The following KCNJ10 variants were observed in gnomAD, a reference collection of about 807,000 sequenced individuals.
The protein encoded by KCNJ10 is potassium inwardly rectifying channel subfamily J member 10.
KCNJ10 carries 9 observed loss-of-function variants against 22.2 expected under a neutral mutation model. The ratio of observed to expected loss-of-function variants is 0.40; its 90% CI spans 0.24 to 0.71. The LOEUF is 0.71. Among genes scored for constraint, KCNJ10 ranks in the 30% least tolerant of loss-of-function variants. KCNJ10 has a pLI of 0.35. For synonymous variants in KCNJ10, 184 were observed against 187.3 expected (o/e 0.98, Z 0.15); for missense variants, 337 against 482.7 (o/e 0.70, Z 2.83).
At position 160,041,272 on chromosome 1, in the gene KCNJ10, A is replaced by C. The variant is rs1052473157; in HGVS notation, c.*121T>G. The C allele has an allele frequency of 9.6e-6, 10 of 1,039,016 alleles. No homozygotes were observed. The highest frequency in any genetic ancestry group is 4.0e-5 in the Admixed American group (2 of 49,806). 64.4% of individuals were successfully genotyped at this position (1,039,016 alleles called of 1,614,324 possible). On this transcript the variant is annotated 3_prime_UTR_variant, in exon 2 of 2. Coordinates refer to ENST00000644903, the MANE Select transcript of KCNJ10 (RefSeq NM_002241.5). The surrounding 1 kb of genome is among the most constrained non-coding windows in gnomAD (Gnocchi z 4.4). ...AGCTACCAACAGGCCACTGGGTTAA[A>C]GAAGAGGGAGTGGAGGATGGGTGCT...
rs186948459 is a variant in KCNJ10, at chr1:160,043,749, C to A, written c.1-1217G>T. ...CTGCACAGGCTCAAATTCAGTATTGCTATTTGTTCTGATAGCAGAAAGTGG... is the reference window on the plus strand; with the variant it reads ...CTGCACAGGCTCAAATTCAGTATTGATATTTGTTCTGATAGCAGAAAGTGG... On this transcript the variant is annotated intron_variant, in intron 1 of 1. Transcript: ENST00000644903. Among the ~76,000 whole-genome samples the A allele has an allele frequency of 1.3e-3, 196 of 152,342 alleles. 1 individual carries two copies. Among genetic ancestry groups the A allele is most frequent in the African/African-American group, 4.3e-3 (180 of 41,586 alleles).
In KCNJ10 at chr1:160,040,990, G is replaced by A. The variant is rs1571264851; in HGVS notation, c.*403C>T. ...TCTTGCCTTTGGGAACTTGCTAGAT[G>A]GAAAGGTAACAGAGGGAGCTCCAGC... On this transcript the variant is annotated 3_prime_UTR_variant, in exon 2 of 2. Transcript: ENST00000644903. 2 of 319,048 alleles carry A rather than the reference G, an allele frequency of 6.3e-6. No homozygotes were observed. Among genetic ancestry groups the A allele is most frequent in the East Asian group, 1.2e-4 (2 of 16,578 alleles). 19.8% of individuals were successfully genotyped at this position (319,048 alleles called of 1,614,324 possible).
rs567956127 is a variant in KCNJ10, at chr1:160,065,226, G to A, written c.-1+4796C>T. Among the ~76,000 whole-genome samples the A allele has an allele frequency of 2.8e-4, 43 of 152,160 alleles. 1 individual carries two copies. In the South Asian group the frequency reaches 8.9e-3, roughly 32 times the overall value. On this transcript the variant is annotated intron_variant, in intron 1 of 1. Coordinates refer to ENST00000644903, the MANE Select transcript of KCNJ10 (RefSeq NM_002241.5). Reference sequence around the variant, plus strand: ...GATCTCCTATAGAATTAGATAATAGGATCCTATACACACCCTGCTGCAGGA... The same window carrying A: ...GATCTCCTATAGAATTAGATAATAGAATCCTATACACACCCTGCTGCAGGA...
intron 1 of KCNJ10, among the ~76,000 whole-genome samples, chr1:160,061,078 C>G (rs1223982348): frequency 1.3e-5 from 2 of 152,166 alleles, no homozygotes; most frequent in Non-Finnish European, 2.9e-5. Context: ...ACCCGTTCTT[C>G]TCCCCACCCC....
chr1:160,046,787 G>A (rs1648751573), intron 1 of KCNJ10, among the ~76,000 whole-genome samples: 1 of 152,182 alleles, frequency 6.6e-6, no homozygotes, highest in African/African-American at 2.4e-5. Flanking sequence ...AAGGAATCGA[G>A]CCAAAGCTCT....
chr1:160,057,504 T>G (rs1458408569), intron 1 of KCNJ10, among the ~76,000 whole-genome samples: 1 of 152,188 alleles, frequency 6.6e-6, no homozygotes, highest in East Asian at 1.9e-4. Context: ...CCTCTCAGCC[T>G]GCCAAGAGGT....
intron 1 of KCNJ10, among the ~76,000 whole-genome samples, chr1:160,063,817 C>T (rs1001126870): frequency 2.0e-5 from 3 of 152,206 alleles, no homozygotes; most frequent in Admixed American, 6.5e-5. Context: ...GCCTTCGGGA[C>T]AATGCGCAGT....
chr1:160,043,124 T>A (rs895050907), intron 1 of KCNJ10, among the ~76,000 whole-genome samples: 2 of 152,026 alleles, frequency 1.3e-5, no homozygotes, highest in African/African-American at 4.8e-5. Context: ...TCCTTGAAGG[T>A]GAGGGTGAGA....
At chr1:160,056,285 C>T (rs968498183) in intron 1 of KCNJ10, among the ~76,000 whole-genome samples, 1 of 152,158 alleles carries the variant, frequency 6.6e-6, no homozygotes, top group African/African-American at 2.4e-5. Flanking sequence ...CAAAAAGTTC[C>T]CACAGCTTTC....
At chr1:160,044,343 A>T (rs2101926106) in intron 1 of KCNJ10, among the ~76,000 whole-genome samples, 1 of 152,370 alleles carries the variant, frequency 6.6e-6, no homozygotes, top group Non-Finnish European at 1.5e-5. Context: ...AGCCTAAACA[A>T]AGCCCTATTT....
rs1378425325 is a variant in KCNJ10, at chr1:160,042,528, G to A, written c.5C>T (p.Thr2Met). 9 of 1,613,712 alleles carry A rather than the reference G, an allele frequency of 5.6e-6. No individual in the cohort carries two copies. Among genetic ancestry groups the A allele is most frequent in the East Asian group, 2.2e-5 (1 of 44,900 alleles). The change falls in exon 2 of 2, where the codon ACG (threonine) becomes ATG (methionine). Residue 2 changes from threonine (T) to methionine (M), a missense_variant. By Grantham distance (81) the Thr-to-Met change is moderately conservative. Transcript: ENST00000644903. MTSVAKVYYSQT... is the reference protein window; with the variant it reads MMSVAKVYYSQT... ...ACTGTAATACACCTTGGCAACTGAC[G>A]TCATCTGGAGGGAGCAAGACAGCAT... is the stretch of plus-strand genomic sequence containing the variant.
intron 1 of KCNJ10, among the ~76,000 whole-genome samples, chr1:160,059,254 AT>A (rs1046059018): frequency 6.6e-6 from 1 of 152,208 alleles, no homozygotes; most frequent in African/African-American, 2.4e-5. Flanking sequence ...GTCACAGAGT[AT>A]TCATGCTGGG....
intron 1 of KCNJ10, among the ~76,000 whole-genome samples, chr1:160,055,500 C>T (rs987958985): frequency 1.3e-5 from 2 of 152,184 alleles, no homozygotes; most frequent in African/African-American, 2.4e-5. Context: ...ATTTTATCTA[C>T]CTTGATTAGC....
At chr1:160,049,695 A>ATATATATT (rs1557970405) in intron 1 of KCNJ10, among the ~76,000 whole-genome samples, 10 of 120,526 alleles carry the variant, frequency 8.3e-5, no homozygotes, top group Non-Finnish European at 8.7e-5. Flanking sequence ...ATATATATAT[A>ATATATATT]TATATATATA....
intron 1 of KCNJ10, among the ~76,000 whole-genome samples, chr1:160,053,203 C>A (rs1021154492): frequency 2.6e-5 from 4 of 152,158 alleles, no homozygotes; most frequent in African/African-American, 7.2e-5. Flanking sequence ...CACTCCTCCC[C>A]CCGGCCTCGG....
At chr1:160,060,721 C>T (rs1649170670) in intron 1 of KCNJ10, among the ~76,000 whole-genome samples, 2 of 152,162 alleles carry the variant, frequency 1.3e-5, no homozygotes, top group East Asian at 1.9e-4. Flanking sequence ...CCTCTCTTCC[C>T]TTTTTAGGGC....
At chr1:160,059,320 A>G (rs1649127135) in intron 1 of KCNJ10, among the ~76,000 whole-genome samples, 1 of 152,230 alleles carries the variant, frequency 6.6e-6, no homozygotes, top group African/African-American at 2.4e-5. Context: ...GAGGAAGCCA[A>G]GGCCTAGAAG....
chr1:160,057,931 G>A (rs890127042), intron 1 of KCNJ10, among the ~76,000 whole-genome samples: 1 of 152,014 alleles, frequency 6.6e-6, no homozygotes, highest in South Asian at 2.1e-4. Context: ...GGTAGTGGCG[G>A]GTAGGGGAGG....
chr1:160,060,897 A>T (rs146548911), intron 1 of KCNJ10, among the ~76,000 whole-genome samples: 1 of 152,286 alleles, frequency 6.6e-6, no homozygotes, highest in Non-Finnish European at 1.5e-5. Flanking sequence ...AACCCTAGCT[A>T]AGAAGGCTGT....
Sources: allele counts gnomAD v4.1 joint callset (sites outside exome capture counted in the v4.1 genomes callset), GRCh38; gene constraint gnomAD v4.1.1; non-coding constraint Gnocchi (gnomAD v3.1); transcripts MANE v1.5; gene names NCBI Gene and HGNC (gene_info 2026-07-23, HGNC 2026-07-21).